Variants in CENPI observed in about 807,000 individuals in gnomAD.
CENPI encodes the protein FSH primary response 1.
CENPI carries 4 observed loss-of-function variants against 60.4 expected under a neutral mutation model. That is an observed-to-expected ratio of 0.07 (90% CI 0.03 to 0.15). The LOEUF is 0.15. Ranked by LOEUF, CENPI falls within the 10% of genes least tolerant of loss-of-function variation. The probability of loss-of-function intolerance (pLI) is 1.00; values close to 1 mark genes in which losing one functional copy is unlikely to be tolerated. For synonymous variants in CENPI, 157 were observed against 189.4 expected, an observed-to-expected ratio of 0.83 and a Z score of 1.40; for missense variants, 444 against 534.5, an observed-to-expected ratio of 0.83 and a Z score of 1.67.
At chrX:101,171,547 C>T in the CENPI span, among the ~76,000 whole-genome samples, 1 of 111,464 alleles carries the variant, frequency 9.0e-6, no homozygotes, top group South Asian at 3.7e-4. Flanking sequence ...CTCAATCTTC[C>T]TGCTTCAGCC....
rs191975485 is a variant in CENPI at position 101,154,827 on chromosome X, G to A, written c.2094+6666G>A. 1.5e-4 allele frequency among the ~76,000 whole-genome samples: 17 copies of A among 110,910 alleles called. No homozygotes were observed. The East Asian group carries it at 3.7e-3, about 24-fold the overall frequency. On this transcript the variant is annotated intron_variant, in intron 20 of 21. Transcript: ENST00000682095. ...AAGTACTGTGTTTTTTGATGTTATC[G>A]TAAATGGAATATTTTTCTTAATTTC...
chrX:101,130,054 G>T lies in CENPI; in HGVS notation c.1268G>T (p.Arg423Met). The change falls in exon 13 of 22, where the codon AGG becomes ATG. Residue 423 changes from arginine (R) to methionine (M), a missense_variant. By Grantham distance (91) the Arg-to-Met change is moderately conservative (BLOSUM62 -1). Transcript: ENST00000682095. The stretch of plus-strand genomic sequence containing the variant: ...ACCAACTTCCTGGATACCATCATCA[G>T]GGCAGAGTGCTTCTTACAAGTAAGA... ...EFTNFLDTII[R>M]AECFLQEGFY... is the part of the protein sequence containing the mutation. The T allele has an allele frequency of 8.4e-7, 1 of 1,191,096 alleles. No homozygotes were observed. Among genetic ancestry groups the T allele is most frequent in the Non-Finnish European group, 1.1e-6 (1 of 876,962 alleles).
chrX:101,170,984 G>T (rs948192207), downstream of CENPI, among the ~76,000 whole-genome samples: 6 of 111,720 alleles, frequency 5.4e-5, no homozygotes, highest in African/African-American at 2.0e-4. Flanking sequence ...AATTGACAAG[G>T]TGAACCAAAA....
the CENPI span, among the ~76,000 whole-genome samples, chrX:101,177,857 A>G: frequency 8.9e-6 from 1 of 111,829 alleles, no homozygotes; most frequent in African/African-American, 3.3e-5. Flanking sequence ...GTGAAATGTC[A>G]ATGGGGCTCC....
rs1556409814 is a variant in CENPI at position 101,162,473 on chromosome X, A to ATATATAT, written c.2137-360_2137-359insTATATAT. Among the ~76,000 whole-genome samples, 84 of 68,094 alleles carry ATATATAT rather than the reference A, an allele frequency of 1.2e-3. 1 individual carries two copies. Among genetic ancestry groups the ATATATAT allele is most frequent in the African/African-American group, 5.7e-3 (83 of 14,504 alleles). The allele number at this position is 68,094 out of a possible 115,157, so 59.1% of individuals were successfully genotyped here. On this transcript the variant is annotated intron_variant, in intron 21 of 21. Transcript: ENST00000682095. ...CGTATCTCAAAAAAAAAAAAAAAAA[A>ATATATAT]ATATATATATATATATATAATTATC...
the CENPI span, among the ~76,000 whole-genome samples, chrX:101,177,939 C>T: frequency 3.0e-4 from 34 of 112,185 alleles, no homozygotes; most frequent in African/African-American, 1.1e-3. Context: ...GCAACCAATA[C>T]GCTGCCTTGC....
At chrX:101,121,122 C>T (rs1004981253) in intron 8 of CENPI, among the ~76,000 whole-genome samples, 6 of 110,445 alleles carry the variant, frequency 5.4e-5, no homozygotes, top group Non-Finnish European at 9.5e-5. Flanking sequence ...GTGATCCACC[C>T]GCCTCGGCCT....
At chrX:101,098,834 C>T (rs1489245107) in intron 2 of CENPI, 1 of 111,207 alleles carries the variant, frequency 9.0e-6, no homozygotes, top group Non-Finnish European at 1.9e-5. Context: ...GATCGTCAAA[C>T]ACAAATCAGG....
At chrX:101,173,785 A>C in the CENPI span, among the ~76,000 whole-genome samples, 26,598 of 109,582 alleles carry the variant, frequency 0.24, 2,365 homozygotes, top group South Asian at 0.33. Flanking sequence ...TATCAAGTTC[A>C]AAAATTGAAT....
intron 15 of CENPI, among the ~76,000 whole-genome samples, chrX:101,138,635 T>G (rs892870506): frequency 1.9e-5 from 2 of 107,515 alleles, no homozygotes; most frequent in Non-Finnish European, 3.9e-5. Context: ...CAAGATTTTT[T>G]TTTTTCCTGA....
At chrX:101,166,179 C>T (rs1173050176), downstream of CENPI, among the ~76,000 whole-genome samples, 1 of 110,299 alleles carries the variant, frequency 9.1e-6, no homozygotes, top group African/African-American at 3.3e-5. Context: ...CTTCTTGAGA[C>T]GGAGTCTCAC....
chrX:101,134,262 C>G (rs369047293), intron 15 of CENPI, among the ~76,000 whole-genome samples: 3 of 111,377 alleles, frequency 2.7e-5, no homozygotes, highest in Admixed American at 9.6e-5. Flanking sequence ...CATTTATCCT[C>G]TAAGACTGGG....
chrX:101,107,060 CAA>C (rs777807842), intron 4 of CENPI, among the ~76,000 whole-genome samples: 781 of 62,128 alleles, frequency 0.013, 16 homozygotes, highest in African/African-American at 0.039. Context: ...GACCCTGTCT[CAA>C]AAAAAAAAAA....
chrX:101,137,681 T>G (rs1032368791), intron 15 of CENPI, among the ~76,000 whole-genome samples: 8 of 110,286 alleles, frequency 7.3e-5, no homozygotes, highest in African/African-American at 2.6e-4. Flanking sequence ...GTAAATGAAC[T>G]AGGGATATTT....
chrX:101,164,242 T>C lies in CENPI; in HGVS notation c.*1275T>C, dbSNP rs995818672. On this transcript the variant is annotated 3_prime_UTR_variant, in exon 22 of 22. Coordinates refer to ENST00000682095, the MANE Select transcript of CENPI (RefSeq NM_001386188.2). Reference sequence around the variant, plus strand: ...TCCATTGACTCATTAATTGATTCAATAAATATTTATTGAGCTCCTTTCTCT... The same window carrying C: ...TCCATTGACTCATTAATTGATTCAACAAATATTTATTGAGCTCCTTTCTCT... Among the ~76,000 whole-genome samples, 2 of 111,434 alleles carry C rather than the reference T, an allele frequency of 1.8e-5. No individual in the cohort carries two copies. The highest frequency in any genetic ancestry group is 6.5e-5 in the African/African-American group (2 of 30,662).
chrX:101,160,298 A>G (rs749850575), intron 20 of CENPI, among the ~76,000 whole-genome samples: 6 of 111,062 alleles, frequency 5.4e-5, no homozygotes, highest in Non-Finnish European at 9.4e-5. Flanking sequence ...CATACTTGTT[A>G]ATGGACTTTC....
intron 20 of CENPI, among the ~76,000 whole-genome samples, chrX:101,152,427 T>A (rs968732461): frequency 7.2e-5 from 8 of 110,495 alleles, no homozygotes; most frequent in South Asian, 3.9e-4. Context: ...TTCTTTCTTT[T>A]TCTTTTTTTG....
At chrX:101,140,632 T>A in intron 15 of CENPI, 34 bp from the exon 16 acceptor site, 1 of 995,463 alleles carries the variant, frequency 1.0e-6, no homozygotes, top group Non-Finnish European at 1.4e-6. Context: ...TCTGAATGAT[T>A]TCATGAAATC....
rs146736957 is a variant in CENPI at position 101,103,343 on chromosome X, G to A, written c.364+932G>A. 9.3e-3 allele frequency among the ~76,000 whole-genome samples: 1,019 copies of A among 109,381 alleles called. 14 individuals are homozygous for A. Among genetic ancestry groups the A allele is most frequent in the African/African-American group, 0.033 (980 of 30,000 alleles). The allele number at this position is 109,381 out of a possible 115,157, so 95.0% of individuals were successfully genotyped here. ...CTGTTAGTTTTTCCTTTTAGACTTT[G>A]TTTATTTATTTTTTTGAGACTGAGT... On this transcript the variant is annotated intron_variant, in intron 4 of 21. Coordinates refer to ENST00000682095, the MANE Select transcript of CENPI (RefSeq NM_001386188.2).
Sources: gnomAD v4.1 joint callset for allele counts (sites outside exome capture counted in the v4.1 genomes callset) on GRCh38, gnomAD v4.1.1 for gene constraint, MANE v1.5 for transcripts, NCBI Gene and HGNC (gene_info 2026-07-23, HGNC 2026-07-21) for gene names.